Variants in OLFML2B observed in about 807,000 individuals in gnomAD.
OLFML2B encodes olfactomedin-like protein 2B.
Under a neutral mutation model 74.9 loss-of-function variants are expected in OLFML2B, and 57 were observed. The observed-to-expected ratio is 0.76, with a 90% CI of 0.61 to 0.95. OLFML2B has a LOEUF of 0.95. Ranked by LOEUF, OLFML2B falls within the 40% of genes least tolerant of loss-of-function variation. The pLI, the probability that OLFML2B is intolerant of heterozygous loss-of-function variation, is 0.00. For synonymous variants in OLFML2B, 388 were observed against 405.8 expected, an observed-to-expected ratio of 0.96 and a Z score of 0.53; for missense variants, 986 against 970.6, an observed-to-expected ratio of 1.02 and a Z score of -0.21.
chr1:162,004,373 T>C (rs1466228581), intron 4 of OLFML2B, among the ~76,000 whole-genome samples: 1 of 152,044 alleles, frequency 6.6e-6, no homozygotes, highest in Non-Finnish European at 1.5e-5. Context: ...AAAATGAGAA[T>C]CAAAATAATT....
Position 162,023,567 on chromosome 1 carries a change from G to C in OLFML2B, c.-137C>G, listed in dbSNP as rs1221162898. On this transcript the variant is annotated 5_prime_UTR_variant, in exon 1 of 8. Coordinates refer to ENST00000294794, the MANE Select transcript of OLFML2B (RefSeq NM_015441.3). Reference sequence around the variant, plus strand: ...GAGAGCACCTTCTAAAGCTGGGTGCGGCTGAGCGGGACGGGAGGGTGCGCC... The same window carrying C: ...GAGAGCACCTTCTAAAGCTGGGTGCCGCTGAGCGGGACGGGAGGGTGCGCC... 1 of 841,672 alleles carries C rather than the reference G, an allele frequency of 1.2e-6. No homozygotes were observed. Among genetic ancestry groups the C allele is most frequent in the Admixed American group, 3.7e-5 (1 of 27,254 alleles). The allele number at this position is 841,672 out of a possible 1,614,324, so 52.1% of individuals were successfully genotyped here. A position where few individuals can be genotyped will look rare whatever the true frequency, so the allele number is the denominator to read the frequency against.
intron 6 of OLFML2B, among the ~76,000 whole-genome samples, chr1:161,988,439 T>C (rs1230219868): frequency 6.6e-6 from 1 of 152,138 alleles, no homozygotes; most frequent in African/African-American, 2.4e-5. Context: ...TCGTCAGCAA[T>C]GCCTCTCAGC....
At chr1:161,985,403 C>T (rs1001262718) in intron 6 of OLFML2B, among the ~76,000 whole-genome samples, 1 of 152,178 alleles carries the variant, frequency 6.6e-6, no homozygotes, top group Non-Finnish European at 1.5e-5. Context: ...GTGCTTCTCT[C>T]TCCTCCCTCC....
chr1:162,007,322 G>C (rs1268385089), intron 3 of OLFML2B, among the ~76,000 whole-genome samples: 1 of 152,202 alleles, frequency 6.6e-6, no homozygotes, highest in Non-Finnish European at 1.5e-5. Context: ...GGTTTCCTGA[G>C]TTCAGAGCAG....
At position 161,997,231 on chromosome 1, in the gene OLFML2B, C is replaced by T. The variant is rs191500210; in HGVS notation, c.1474+594G>A. Among the ~76,000 whole-genome samples the T allele has an allele frequency of 5.5e-3, 836 of 152,292 alleles. 3 individuals carry two copies. Among genetic ancestry groups the T allele is most frequent in the African/African-American group, 0.019 (805 of 41,544 alleles). ...AAATGACACCTCCTTAGAAAAGTTTCCCCAGCCTTCCTGGCAGCCAGGCCA... is the reference window on the plus strand; with the variant it reads ...AAATGACACCTCCTTAGAAAAGTTTTCCCAGCCTTCCTGGCAGCCAGGCCA... On this transcript the variant is annotated intron_variant, in intron 6 of 7. Transcript: ENST00000294794.
At chr1:162,000,986 C>A (rs1369786463) in intron 4 of OLFML2B, among the ~76,000 whole-genome samples, 1 of 152,200 alleles carries the variant, frequency 6.6e-6, no homozygotes, top group East Asian at 1.9e-4. Context: ...GTGCCCTGCA[C>A]CCCACGCCCT....
chr1:162,004,394 TATG>T (rs1222729689), intron 4 of OLFML2B, among the ~76,000 whole-genome samples: 1 of 152,146 alleles, frequency 6.6e-6, no homozygotes, highest in African/African-American at 2.4e-5. Context: ...TCTGAAGAAA[TATG>T]ATATTTCCAA....
chr1:162,000,268 C>T lies in OLFML2B; in HGVS notation c.794G>A (p.Arg265Gln), dbSNP rs1415694479. ...CACCACCTCAGGCAGAGCCAGGGGT[C>T]GCGTCTGCAGAAGTTCGATGGAGTT... ...QINSIELLQT[R>Q]PLALPEVVKS... is the part of the protein sequence containing the mutation. The change falls in exon 5 of 8, where the codon CGA (arginine) becomes CAA (glutamine). Residue 265 changes from arginine to glutamine, a missense_variant. Arg to Gln is a conservative substitution (Grantham distance 43). Coordinates refer to ENST00000294794, the MANE Select transcript of OLFML2B (RefSeq NM_015441.3). 8.7e-6 allele frequency: 14 copies of T among 1,613,472 alleles called. No individual in the cohort carries two copies. Among genetic ancestry groups the T allele is most frequent in the African/African-American group, 2.7e-5 (2 of 74,888 alleles).
chr1:162,003,850 CAA>C (rs1293805597), intron 4 of OLFML2B, among the ~76,000 whole-genome samples: 2 of 152,118 alleles, frequency 1.3e-5, no homozygotes, highest in African/African-American at 4.8e-5. Context: ...ATGGGGTTCA[CAA>C]AAGAGAGGGA....
At chr1:162,011,086 G>A (rs1690366128) in intron 3 of OLFML2B, among the ~76,000 whole-genome samples, 1 of 152,168 alleles carries the variant, frequency 6.6e-6, no homozygotes, top group African/African-American at 2.4e-5. Flanking sequence ...CAAGGCTGGT[G>A]TGCTGTAGAG....
chr1:162,017,641 AC>A, intron 2 of OLFML2B, 134 bp from the exon 3 acceptor site: 2 of 616,320 alleles, frequency 3.2e-6, no homozygotes, highest in Middle Eastern at 4.2e-4. Flanking sequence ...CGTGAGAAAC[AC>A]ATTTGTGTAG....
Position 162,000,461 on chromosome 1 carries a change from CTGTTCTAAGTGCTTTATACATTTACATA to C in OLFML2B, c.724-151_724-124del, listed in dbSNP as rs370670562. 1,759 of 683,722 alleles carry C rather than the reference CTGTTCTAAGTGCTTTATACATTTACATA, an allele frequency of 2.6e-3. 23 individuals are homozygous for C. In the African/African-American group the frequency reaches 0.027, roughly 10 times the overall value. 42.4% of individuals were successfully genotyped at this position (683,722 alleles called of 1,614,324 possible). A position where few individuals can be genotyped will look rare whatever the true frequency, so the allele number is the denominator to read the frequency against. ...AGCAGCACTTCCGAAGAGCCAGGCA[CTGTTCTAAGTGCTTTATACATTTACATA>C]TGTTAACTAATTTAATCTTCTCATC... On this transcript the variant is annotated intron_variant, in intron 4 of 7. Coordinates refer to ENST00000294794, the MANE Select transcript of OLFML2B (RefSeq NM_015441.3).
chr1:162,006,460 TTTTTAGA>T lies in OLFML2B; in HGVS notation c.553_559del (p.Ser185ThrfsTer20). On this transcript the variant is annotated frameshift_variant, in exon 4 of 8. Coordinates refer to ENST00000294794, the MANE Select transcript of OLFML2B (RefSeq NM_015441.3). LOFTEE classifies it high-confidence loss of function. ...GATTTGTTCATTTTCCTTGGTGAGGTTTTTAGACACTTCCTGAGAAGGAAAAAAAAAA... is the reference window on the plus strand; with the variant it reads ...GATTTGTTCATTTTCCTTGGTGAGGTCACTTCCTGAGAAGGAAAAAAAAAA... 6.4e-7 allele frequency: 1 copy of T among 1,564,316 alleles called. No homozygotes were observed. Among genetic ancestry groups the T allele is most frequent in the Non-Finnish European group, 8.6e-7 (1 of 1,163,616 alleles).
intron 3 of OLFML2B, among the ~76,000 whole-genome samples, chr1:162,014,794 T>A (rs1295548041): frequency 6.6e-6 from 1 of 152,198 alleles, no homozygotes; most frequent in East Asian, 1.9e-4. Flanking sequence ...GCTGTCTGGT[T>A]TGGGGAAACC....
intron 4 of OLFML2B, among the ~76,000 whole-genome samples, chr1:162,003,830 G>A (rs574253431): frequency 2.6e-5 from 4 of 152,162 alleles, no homozygotes; most frequent in Admixed American, 1.3e-4. Context: ...CCTTCCACCC[G>A]CTTTTTGGCA....
intron 2 of OLFML2B, 88 bp from the exon 3 acceptor site, chr1:162,017,595 G>A (rs16839677): frequency 0.092 from 82,697 of 900,984 alleles, 5,372 homozygotes; most frequent in East Asian, 0.25. Context: ...CTGGGGGCTC[G>A]ACAGGAAAGC....
At chr1:162,017,664 G>A (rs181149634) in intron 2 of OLFML2B, among the ~76,000 whole-genome samples, 157 bp from the exon 3 acceptor site, 26 of 152,348 alleles carry the variant, frequency 1.7e-4, no homozygotes, top group Admixed American at 1.6e-3. Context: ...CAGGGATGTA[G>A]GCAAGCACAA....
In OLFML2B at chr1:162,000,125, T is replaced by C. The variant is rs780159302; in HGVS notation, c.937A>G (p.Ile313Val). 8.1e-6 allele frequency: 13 copies of C among 1,598,100 alleles called. No homozygotes were observed. Among genetic ancestry groups the C allele is most frequent in the Non-Finnish European group, 1.1e-5 (13 of 1,168,504 alleles). Residue 313 changes from isoleucine to valine, a missense_variant, in exon 5 of 8, where the codon ATT becomes GTT. Physicochemically the swap from Ile to Val is conservative, Grantham distance 29 (BLOSUM62 3). Transcript: ENST00000294794. The stretch of plus-strand genomic sequence containing the variant: ...GACCCCAACTCACGCTGCTCTTCAA[T>C]GTCATTCTCTTCTTCAGAGACCTTG... ...KAKVSEEEND[I>V]EEQQDEFFSG... is the part of the protein sequence containing the mutation.
intron 3 of OLFML2B, among the ~76,000 whole-genome samples, chr1:162,011,359 AG>A (rs934479677): frequency 6.6e-6 from 1 of 152,100 alleles, no homozygotes; most frequent in Non-Finnish European, 1.5e-5. Context: ...ACTGGACCCA[AG>A]GGGGGAGGGC....
Sources: gnomAD v4.1 joint callset for allele counts (sites outside exome capture counted in the v4.1 genomes callset) on GRCh38, gnomAD v4.1.1 for gene constraint, MANE v1.5 for transcripts, NCBI Gene and HGNC (gene_info 2026-07-23, HGNC 2026-07-21) for gene names.